LRRN2: variants seen among roughly 807,000 people sequenced by gnomAD.
LRRN2 encodes the protein leucine rich repeat neuronal 2.
Under a neutral mutation model 35.7 loss-of-function variants are expected in LRRN2, and 10 were observed. That is an observed-to-expected ratio of 0.28 (90% CI 0.17 to 0.47). The LOEUF is 0.47. Ranked by LOEUF, LRRN2 falls within the 20% of genes least tolerant of loss-of-function variation. The pLI is 0.99. For synonymous variants in LRRN2, 391 were observed against 409.6 expected, an observed-to-expected ratio of 0.95 and a Z score of 0.55; for missense variants, 731 against 940.3, an observed-to-expected ratio of 0.78 and a Z score of 2.91.
At chr1:204,669,029 G>T (rs1213177039) in intron 1 of LRRN2, among the ~76,000 whole-genome samples, 3 of 152,130 alleles carry the variant, frequency 2.0e-5, no homozygotes, top group Non-Finnish European at 4.4e-5. Context: ...TCACTATGTT[G>T]CCCAGACTGG....
intron 1 of LRRN2, among the ~76,000 whole-genome samples, chr1:204,643,895 C>A (rs1668039800): frequency 6.6e-6 from 1 of 152,114 alleles, no homozygotes. Context: ...TGGCCTCTTC[C>A]CACCAGTGTG....
At chr1:204,623,209 C>T (rs1238644457) in intron 1 of LRRN2, among the ~76,000 whole-genome samples, 1 of 152,148 alleles carries the variant, frequency 6.6e-6, no homozygotes, top group Non-Finnish European at 1.5e-5. Flanking sequence ...ATCTCCCTGA[C>T]CTTTAGACCC....
At chr1:204,655,287 GT>G (rs756156575) in intron 1 of LRRN2, among the ~76,000 whole-genome samples, 76 of 151,394 alleles carry the variant, frequency 5.0e-4, no homozygotes, top group Middle Eastern at 3.4e-3. Context: ...CATTTGGTGG[GT>G]TTTGTTTTTG....
intron 1 of LRRN2, among the ~76,000 whole-genome samples, chr1:204,637,952 C>T (rs978700977): frequency 8.5e-5 from 13 of 152,192 alleles, no homozygotes; most frequent in African/African-American, 3.1e-4. Context: ...CAGCTCAATT[C>T]CCCCAGGAGC....
At chr1:204,632,706 C>T (rs377173152) in intron 1 of LRRN2, among the ~76,000 whole-genome samples, 8 of 150,752 alleles carry the variant, frequency 5.3e-5, no homozygotes, top group South Asian at 2.1e-4. Context: ...CCGAGGCGGG[C>T]GGATCACAAG....
chr1:204,669,183 G>A (rs1668653816), intron 1 of LRRN2, among the ~76,000 whole-genome samples: 1 of 152,226 alleles, frequency 6.6e-6, no homozygotes. Context: ...ATCTATTGGT[G>A]AGGAGGAGCC....
chr1:204,662,176 T>C (rs768461088), intron 1 of LRRN2, among the ~76,000 whole-genome samples: 34 of 151,958 alleles, frequency 2.2e-4, no homozygotes, highest in Non-Finnish European at 1.3e-4. Context: ...TTGGGGAGGG[T>C]GTAGACAACG....
chr1:204,645,545 A>T lies in LRRN2; in HGVS notation c.-226-25327T>A, dbSNP rs529778112. 5.3e-5 allele frequency among the ~76,000 whole-genome samples: 8 copies of T among 152,330 alleles called. No individual in the cohort carries two copies. The South Asian group carries it at 1.4e-3, about 28-fold the overall frequency. On this transcript the variant is annotated intron_variant, in intron 1 of 1. Coordinates refer to ENST00000367177, the MANE Select transcript of LRRN2 (RefSeq NM_201630.2). ...ATGTGTGATTGCATGCGGAATCATC[A>T]TGGCAACTCTCTGAGGCAGGTATTA...
At chr1:204,673,678 C>T (rs1369290711) in intron 1 of LRRN2, among the ~76,000 whole-genome samples, 1 of 152,240 alleles carries the variant, frequency 6.6e-6, no homozygotes, top group Non-Finnish European at 1.5e-5. Context: ...AGGCTTCCCA[C>T]TGCCTTGCCC....
intron 1 of LRRN2, among the ~76,000 whole-genome samples, chr1:204,667,885 G>A (rs1319154444): frequency 6.6e-6 from 1 of 152,156 alleles, no homozygotes; most frequent in Non-Finnish European, 1.5e-5. Context: ...GGAGGAAGAG[G>A]CTGGCAAAGT....
intron 1 of LRRN2, among the ~76,000 whole-genome samples, chr1:204,658,631 T>C (rs1275175528): frequency 6.6e-6 from 1 of 152,128 alleles, no homozygotes; most frequent in African/African-American, 2.4e-5. Context: ...CTGGCCCTAC[T>C]CCATACCCTG....
intron 1 of LRRN2, among the ~76,000 whole-genome samples, chr1:204,668,368 G>A (rs2102623552): frequency 6.6e-6 from 1 of 152,298 alleles, no homozygotes; most frequent in East Asian, 1.9e-4. Context: ...GCCGAGGCGG[G>A]CAGATCATTT....
intron 1 of LRRN2, among the ~76,000 whole-genome samples, chr1:204,670,264 A>C (rs1416374419): frequency 6.6e-6 from 1 of 152,228 alleles, no homozygotes; most frequent in East Asian, 1.9e-4. Context: ...AAAAGGGAAG[A>C]GCTGACAGTG....
intron 1 of LRRN2, among the ~76,000 whole-genome samples, chr1:204,662,921 G>A (rs553534799): frequency 6.6e-6 from 1 of 152,210 alleles, no homozygotes; most frequent in African/African-American, 2.4e-5. Flanking sequence ...TGGCTCAGGG[G>A]ACTGAGCTGG....
At chr1:204,674,519 C>T (rs1245161400) in intron 1 of LRRN2, among the ~76,000 whole-genome samples, 1 of 152,204 alleles carries the variant, frequency 6.6e-6, no homozygotes, top group African/African-American at 2.4e-5. Flanking sequence ...AGGGTATACG[C>T]ACTACTGGGG....
At chr1:204,623,918 A>T (rs1445442618) in intron 1 of LRRN2, among the ~76,000 whole-genome samples, 1 of 152,188 alleles carries the variant, frequency 6.6e-6, no homozygotes, top group Admixed American at 6.5e-5. Flanking sequence ...GTAGGCAAGA[A>T]GGGATTATTT....
At chr1:204,632,807 G>A (rs548407542) in intron 1 of LRRN2, among the ~76,000 whole-genome samples, 182 of 151,610 alleles carry the variant, frequency 1.2e-3, no homozygotes, top group African/African-American at 4.1e-3. Context: ...GGTGGCGGGC[G>A]CCTGAAGTCC....
At chr1:204,630,582 G>C (rs1477637526) in intron 1 of LRRN2, among the ~76,000 whole-genome samples, 1 of 152,052 alleles carries the variant, frequency 6.6e-6, no homozygotes, top group Non-Finnish European at 1.5e-5. Flanking sequence ...AGCTGTCCAG[G>C]CAGCCCGGAG....
chr1:204,666,829 GC>G (rs1345783455), intron 1 of LRRN2, among the ~76,000 whole-genome samples: 2 of 151,914 alleles, frequency 1.3e-5, no homozygotes, highest in African/African-American at 4.8e-5. Context: ...AGGCGTGGTG[GC>G]CCACACCTGT....
Sources: gnomAD v4.1 joint callset for allele counts (sites outside exome capture counted in the v4.1 genomes callset) on GRCh38, gnomAD v4.1.1 for gene constraint, MANE v1.5 for transcripts, NCBI Gene and HGNC (gene_info 2026-07-23, HGNC 2026-07-21) for gene names.